Variants in ATRNL1 observed in about 807,000 individuals in gnomAD.
The protein encoded by ATRNL1 is attractin-like protein 1.
ATRNL1 carries 95 observed loss-of-function variants against 182.7 expected under a neutral mutation model. The ratio of observed to expected loss-of-function variants is 0.52; its 90% CI spans 0.44 to 0.62. The LOEUF (loss-of-function observed/expected upper bound fraction) is 0.62. Ranked by LOEUF, ATRNL1 falls within the 20% of genes least tolerant of loss-of-function variation. ATRNL1 has a pLI of 0.00. For missense variants in ATRNL1, 1,471 were observed against 1,679.5 expected (o/e 0.88, Z 2.17); for synonymous variants, 576 against 568.3 (o/e 1.01, Z -0.19).
chr10:115,551,714 A>C (rs1319375890), intron 26 of ATRNL1, among the ~76,000 whole-genome samples: 1 of 151,586 alleles, frequency 6.6e-6, no homozygotes. Context: ...TAAATGTTAT[A>C]GAAACTATTC....
intron 26 of ATRNL1, among the ~76,000 whole-genome samples, chr10:115,646,999 T>A (rs1373815300): frequency 3.2e-5 from 4 of 126,334 alleles, no homozygotes; most frequent in African/African-American, 1.2e-4. Context: ...CCCCACCCTG[T>A]GTCCAAGTGT....
chr10:115,195,916 G>A (rs1554890917), intron 8 of ATRNL1, among the ~76,000 whole-genome samples: 2 of 152,054 alleles, frequency 1.3e-5, no homozygotes, highest in South Asian at 2.1e-4. Context: ...TCTAGGAGAT[G>A]TTTTATAATT....
At chr10:115,825,875 T>C (rs1053348789) in intron 27 of ATRNL1, among the ~76,000 whole-genome samples, 1 of 152,192 alleles carries the variant, frequency 6.6e-6, no homozygotes, top group Admixed American at 6.5e-5. Flanking sequence ...ACCTTTTTTT[T>C]CCCTTAGGGT....
At chr10:115,804,428 T>G (rs1949871566) in intron 27 of ATRNL1, among the ~76,000 whole-genome samples, 1 of 152,032 alleles carries the variant, frequency 6.6e-6, no homozygotes, top group African/African-American at 2.4e-5. Flanking sequence ...TAAATGGCAT[T>G]AGTGCCCTTA....
intron 9 of ATRNL1, among the ~76,000 whole-genome samples, chr10:115,226,618 C>A (rs1849709195): frequency 6.6e-6 from 1 of 150,662 alleles, no homozygotes; most frequent in Non-Finnish European, 1.5e-5. Flanking sequence ...CCCGAATAAC[C>A]AAAGCAATCC....
At chr10:115,143,677 T>C (rs553612353) in intron 5 of ATRNL1, among the ~76,000 whole-genome samples, 2 of 152,114 alleles carry the variant, frequency 1.3e-5, no homozygotes, top group South Asian at 4.1e-4. Flanking sequence ...TCTATCCTTA[T>C]ATGACAGAGA....
intron 28 of ATRNL1, among the ~76,000 whole-genome samples, chr10:115,869,369 G>A (rs1951523039): frequency 6.6e-6 from 1 of 152,156 alleles, no homozygotes; most frequent in Non-Finnish European, 1.5e-5. Flanking sequence ...ATCTGTAGTA[G>A]CCAGGAATCC....
intron 6 of ATRNL1, among the ~76,000 whole-genome samples, chr10:115,161,777 G>C (rs1299215226): frequency 1.3e-5 from 2 of 152,002 alleles, no homozygotes; most frequent in Admixed American, 6.6e-5. Flanking sequence ...TTGTGTTGCT[G>C]TTTTCACAGG....
At chr10:115,210,788 G>A (rs943827115) in intron 8 of ATRNL1, among the ~76,000 whole-genome samples, 1 of 151,462 alleles carries the variant, frequency 6.6e-6, no homozygotes, top group East Asian at 1.9e-4. Context: ...CTTAGTGGTT[G>A]GTCTGTGTGT....
chr10:115,351,191 A>G (rs1417048548), intron 19 of ATRNL1, among the ~76,000 whole-genome samples: 3 of 152,104 alleles, frequency 2.0e-5, no homozygotes, highest in African/African-American at 7.2e-5. Context: ...TCATCTGTAA[A>G]CAAGGATAAT....
At chr10:115,416,195 C>T (rs533784194) in intron 20 of ATRNL1, among the ~76,000 whole-genome samples, 1 of 152,130 alleles carries the variant, frequency 6.6e-6, no homozygotes, top group South Asian at 2.1e-4. Context: ...TGTCTTTCCA[C>T]TTATTTACAT....
intron 9 of ATRNL1, among the ~76,000 whole-genome samples, chr10:115,225,444 T>C (rs12249092): frequency 0.038 from 5,245 of 139,392 alleles, 296 homozygotes; most frequent in African/African-American, 0.12. Context: ...CAACATTGTA[T>C]TGGAATTTCC....
chr10:115,711,697 G>A (rs1947067934), intron 26 of ATRNL1, among the ~76,000 whole-genome samples: 1 of 152,076 alleles, frequency 6.6e-6, no homozygotes, highest in African/African-American at 2.4e-5. Context: ...TCTGAAATGG[G>A]TTGGAACAGG....
At chr10:115,750,803 C>T (rs577219298) in intron 27 of ATRNL1, among the ~76,000 whole-genome samples, 7 of 152,026 alleles carry the variant, frequency 4.6e-5, no homozygotes, top group African/African-American at 1.7e-4. Flanking sequence ...GGGCAAGAGA[C>T]ATCCAAAGAT....
intron 28 of ATRNL1, among the ~76,000 whole-genome samples, chr10:115,928,364 G>A (rs545032883): frequency 6.6e-6 from 1 of 152,122 alleles, no homozygotes; most frequent in East Asian, 1.9e-4. Flanking sequence ...CTGATTTAAT[G>A]TTAATGAAAG....
Position 115,322,871 on chromosome 10 carries a change from TG to T in ATRNL1, c.3037+7136del, listed in dbSNP as rs1330808008. Reference sequence around the variant, plus strand: ...AGTTGTTAATCTTATTGGGCTTTTTTGTAAGTGAGAAATGATTTTATCTCTT... The same window carrying T: ...AGTTGTTAATCTTATTGGGCTTTTTTTAAGTGAGAAATGATTTTATCTCTT... On this transcript the variant is annotated intron_variant, in intron 18 of 28. Transcript: ENST00000355044. Among the ~76,000 whole-genome samples the T allele has an allele frequency of 3.9e-5, 6 of 152,260 alleles. No individual in the cohort carries two copies. In the East Asian group the frequency reaches 1.2e-3, roughly 29 times the overall value.
At chr10:115,522,863 A>C (rs1357886040) in intron 25 of ATRNL1, among the ~76,000 whole-genome samples, 2 of 152,208 alleles carry the variant, frequency 1.3e-5, no homozygotes, top group African/African-American at 4.8e-5. Flanking sequence ...AAAATCCAAA[A>C]TATAGCGGGG....
intron 27 of ATRNL1, among the ~76,000 whole-genome samples, chr10:115,822,797 C>T (rs534009496): frequency 6.6e-6 from 1 of 152,072 alleles, no homozygotes; most frequent in Non-Finnish European, 1.5e-5. Flanking sequence ...TAATAGCCTA[C>T]CAACCAAAAA....
chr10:115,105,761 G>A (rs1843980761), intron 1 of ATRNL1, among the ~76,000 whole-genome samples: 1 of 152,222 alleles, frequency 6.6e-6, no homozygotes, highest in Non-Finnish European at 1.5e-5. Flanking sequence ...TGTTGAGCCT[G>A]CGGGTGCACA....
Sources: gnomAD v4.1 joint callset for allele counts (sites outside exome capture counted in the v4.1 genomes callset) on GRCh38, gnomAD v4.1.1 for gene constraint, MANE v1.5 for transcripts, NCBI Gene and HGNC (gene_info 2026-07-23, HGNC 2026-07-21) for gene names.